Variants in SCOC observed in about 807,000 individuals in gnomAD.
SCOC encodes the protein short coiled-coil protein, also known as short coiled coil protein.
A neutral mutation model predicts 9.9 loss-of-function variants in SCOC; 7 were observed. The ratio of observed to expected loss-of-function variants is 0.71; its 90% confidence interval spans 0.40 to 1.33. SCOC has a LOEUF of 1.33. Ranked by LOEUF, SCOC falls within the 40% of genes most tolerant of loss-of-function variation. SCOC has a pLI of 0.01. For synonymous variants in SCOC, 19 were observed against 28.2 expected (o/e 0.67, Z 1.03); for missense variants, 66 against 89.7 (o/e 0.74, Z 1.07).
chr4:140,318,672 C>T (rs953445328), intron 1 of SCOC, among the ~76,000 whole-genome samples: 14 of 137,064 alleles, frequency 1.0e-4, no homozygotes, highest in African/African-American at 2.3e-4. Context: ...GTCAGTGTGG[C>T]GATTCCTCAG....
intron 1 of SCOC, among the ~76,000 whole-genome samples, chr4:140,317,895 G>C (rs1361619412): frequency 1.0e-4 from 12 of 120,192 alleles, no homozygotes; most frequent in African/African-American, 3.6e-4. Context: ...TCCCCTTCCT[G>C]TGTCCATGTG....
At chr4:140,362,274 C>CTTCTTCTTCTTCTTCTTTTCTTCT (rs1560720569) in intron 2 of SCOC, among the ~76,000 whole-genome samples, 1 of 9,474 alleles carries the variant, frequency 1.1e-4, no homozygotes, top group African/African-American at 3.4e-4. Flanking sequence ...CAGGTGTGTC[C>CTTCTTCTTCTTCTTCTTTTCTTCT]TTACTTCTTC....
chr4:140,277,894 A>G (rs537721457), intron 1 of SCOC, among the ~76,000 whole-genome samples: 3 of 152,366 alleles, frequency 2.0e-5, no homozygotes, highest in Admixed American at 2.0e-4. Flanking sequence ...AGGAAGAAGA[A>G]GAAGGTAAAA....
chr4:140,356,038 G>A (rs1401821622), intron 2 of SCOC, among the ~76,000 whole-genome samples: 1 of 152,178 alleles, frequency 6.6e-6, no homozygotes, highest in Non-Finnish European at 1.5e-5. Context: ...CACCACTATG[G>A]TGATACATGT....
At chr4:140,359,365 G>A (rs1048749042) in intron 2 of SCOC, among the ~76,000 whole-genome samples, 4 of 152,114 alleles carry the variant, frequency 2.6e-5, no homozygotes, top group African/African-American at 7.2e-5. Flanking sequence ...GGTTTGGGGG[G>A]AATTGTATTT....
chr4:140,366,018 C>T (rs1440630272), intron 2 of SCOC, among the ~76,000 whole-genome samples: 1 of 152,180 alleles, frequency 6.6e-6, no homozygotes, highest in Non-Finnish European at 1.5e-5. Context: ...CTGACAAAAG[C>T]TGACAGAGGA....
chr4:140,345,251 C>T (rs981373953), intron 2 of SCOC, among the ~76,000 whole-genome samples: 2 of 152,160 alleles, frequency 1.3e-5, no homozygotes, highest in African/African-American at 4.8e-5. Flanking sequence ...ACCAACGTCC[C>T]CTTGCTCCCA....
intron 1 of SCOC, among the ~76,000 whole-genome samples, chr4:140,261,003 G>A (rs753570431): frequency 4.6e-5 from 7 of 152,090 alleles, no homozygotes; most frequent in Non-Finnish European, 8.8e-5. Context: ...AGTTGAACTC[G>A]ATGTTCAACA....
chr4:140,305,588 T>A (rs994638104), intron 1 of SCOC, among the ~76,000 whole-genome samples: 1 of 152,230 alleles, frequency 6.6e-6, no homozygotes, highest in African/African-American at 2.4e-5. Flanking sequence ...TATAACTTGC[T>A]GACAGGCTGT....
chr4:140,381,085 C>CA lies in SCOC; in HGVS notation c.235dup (p.Ser79LysfsTer8). ...TCTAGTGTTTTTCAAACAACTGACACAAAAAGCAAAAGAAAGTAAGGGATT... is the reference window on the plus strand; with the variant it reads ...TCTAGTGTTTTTCAAACAACTGACACAAAAAAGCAAAAGAAAGTAAGGGATT... On this transcript the variant is annotated frameshift_variant, in exon 4 of 4. Transcript: ENST00000608372. LOFTEE classifies it high-confidence loss of function. The CA allele has an allele frequency of 6.3e-7, 1 of 1,596,596 alleles. No homozygotes were observed. The highest frequency in any genetic ancestry group is 1.1e-5 in the South Asian group (1 of 87,180).
chr4:140,306,835 C>T (rs1411893011), intron 1 of SCOC, among the ~76,000 whole-genome samples: 2 of 152,120 alleles, frequency 1.3e-5, no homozygotes, highest in African/African-American at 4.8e-5. Context: ...GTAGATGATT[C>T]TCAAAGAGAA....
upstream of SCOC, among the ~76,000 whole-genome samples, chr4:140,342,928 C>A (rs1237225086): frequency 6.6e-6 from 1 of 152,146 alleles, no homozygotes; most frequent in Non-Finnish European, 1.5e-5. Context: ...GGTGTCTGAA[C>A]AGTAATATGA....
intron 1 of SCOC, among the ~76,000 whole-genome samples, chr4:140,302,223 T>C (rs1178850179): frequency 2.0e-5 from 3 of 152,174 alleles, no homozygotes; most frequent in Non-Finnish European, 2.9e-5. Context: ...GTCAGCTTTT[T>C]TTTTCAGATT....
At chr4:140,364,981 G>C (rs879393245) in intron 2 of SCOC, among the ~76,000 whole-genome samples, 3 of 152,272 alleles carry the variant, frequency 2.0e-5, no homozygotes, top group East Asian at 3.9e-4. Context: ...AATTCTGATA[G>C]AGAGAGCATC....
At chr4:140,360,909 C>T (rs1727437092) in intron 2 of SCOC, 1 of 152,146 alleles carries the variant, frequency 6.6e-6, no homozygotes, top group African/African-American at 2.4e-5. Flanking sequence ...TGGTTCTCTT[C>T]CTTTTTGAAC....
At chr4:140,377,783 G>T (rs1008547785) in intron 1 of SCOC, among the ~76,000 whole-genome samples, 3 of 152,144 alleles carry the variant, frequency 2.0e-5, no homozygotes, top group Admixed American at 2.0e-4. Context: ...TATCTCTATT[G>T]TGATTCTAGT....
At chr4:140,353,024 T>C (rs1306901316) in intron 2 of SCOC, among the ~76,000 whole-genome samples, 1 of 152,200 alleles carries the variant, frequency 6.6e-6, no homozygotes, top group Non-Finnish European at 1.5e-5. Context: ...GGCCCTTCAT[T>C]TCACAAAGGC....
chr4:140,298,900 C>T (rs1219047572), intron 1 of SCOC, among the ~76,000 whole-genome samples: 1 of 152,188 alleles, frequency 6.6e-6, no homozygotes, highest in Non-Finnish European at 1.5e-5. Flanking sequence ...ACTGCAGCCT[C>T]GTCCTCCTGG....
Position 140,383,041 on chromosome 4 carries a change from A to C in SCOC, c.*1937A>C, listed in dbSNP as rs1183484218. 3 of 152,242 alleles carry C rather than the reference A, an allele frequency of 2.0e-5. No individual in the cohort carries two copies. Among genetic ancestry groups the C allele is most frequent in the Non-Finnish European group, 4.4e-5 (3 of 68,050 alleles). The allele number at this position is 152,242 out of a possible 1,614,324, so 9.4% of individuals were successfully genotyped here. A position where few individuals can be genotyped will look rare whatever the true frequency, so the allele number is the denominator to read the frequency against. On this transcript the variant is annotated 3_prime_UTR_variant, in exon 4 of 4. Transcript: ENST00000608372. Reference sequence around the variant, plus strand: ...GCAGAAAAAGAACATGGAAGTGTACATATGCAAGGTGTTATGGGCTGTGCC... The same window carrying C: ...GCAGAAAAAGAACATGGAAGTGTACCTATGCAAGGTGTTATGGGCTGTGCC...
Sources: allele counts gnomAD v4.1 joint callset (sites outside exome capture counted in the v4.1 genomes callset), GRCh38; gene constraint gnomAD v4.1.1; transcripts MANE v1.5; gene names NCBI Gene and HGNC (gene_info 2026-07-23, HGNC 2026-07-21).